MSRA: variants seen among roughly 807,000 people sequenced by gnomAD.
MSRA encodes the protein methionine sulfoxide reductase A, also known as mitochondrial peptide methionine sulfoxide reductase.
Under a neutral mutation model 31.3 loss-of-function variants are expected in MSRA, and 54 were observed. The ratio of observed to expected loss-of-function variants is 1.73; its 90% CI spans 1.39 to 2.17. The LOEUF (loss-of-function observed/expected upper bound fraction) is 2.17, where lower values mean the gene tolerates loss of function less well. Among genes scored for constraint, MSRA ranks in the 30% most tolerant of loss-of-function variants. The probability of loss-of-function intolerance (pLI) is 0.00; values close to 1 mark genes in which losing one functional copy is unlikely to be tolerated. For missense variants in MSRA, 507 were observed against 300.9 expected, an observed-to-expected ratio of 1.69 and a Z score of -5.07; for synonymous variants, 169 against 116.5, an observed-to-expected ratio of 1.45 and a Z score of -2.90.
chr8:10,297,145 C>G (rs10088655), intron 3 of MSRA, among the ~76,000 whole-genome samples: 5,049 of 152,086 alleles, frequency 0.033, 205 homozygotes, highest in African/African-American at 0.098. Flanking sequence ...CTAGATGACC[C>G]CAGAATGCCT....
chr8:10,056,956 A>G (rs561740988), intron 1 of MSRA, among the ~76,000 whole-genome samples: 4 of 152,292 alleles, frequency 2.6e-5, no homozygotes, highest in African/African-American at 9.6e-5. Flanking sequence ...GGTGTGTACC[A>G]TTACCAAATA....
At chr8:10,143,443 G>C (rs1362651417) in intron 1 of MSRA, among the ~76,000 whole-genome samples, 1 of 152,116 alleles carries the variant, frequency 6.6e-6, no homozygotes, top group Non-Finnish European at 1.5e-5. Context: ...ATGGTAACCT[G>C]CTTTAGTGTC....
intron 1 of MSRA, among the ~76,000 whole-genome samples, chr8:10,187,147 G>A (rs1807125071): frequency 6.6e-6 from 1 of 152,184 alleles, no homozygotes; most frequent in Non-Finnish European, 1.5e-5. Flanking sequence ...TTTCCTCAGT[G>A]TGAGAACTTC....
rs532845740 is a variant in MSRA at position 10,393,532 on chromosome 8, G to A, written c.544-34616G>A. Reference sequence around the variant, plus strand: ...TTGCTGGGCACCGTGTAGGCATGGTGTTGTGACTGGTGCCCAGGTATTGCA... The same window carrying A: ...TTGCTGGGCACCGTGTAGGCATGGTATTGTGACTGGTGCCCAGGTATTGCA... On this transcript the variant is annotated intron_variant, in intron 5 of 5. Transcript: ENST00000317173. Among the ~76,000 whole-genome samples the A allele has an allele frequency of 1.1e-4, 16 of 152,334 alleles. No individual in the cohort carries two copies. In the South Asian group the frequency reaches 3.3e-3, roughly 32 times the overall value.
At chr8:10,223,139 C>T (rs974544650) in intron 2 of MSRA, among the ~76,000 whole-genome samples, 4 of 152,168 alleles carry the variant, frequency 2.6e-5, no homozygotes, top group African/African-American at 9.7e-5. Flanking sequence ...AGATACACGT[C>T]CTTCCTAGAG....
chr8:10,211,822 C>T (rs1238670575), intron 2 of MSRA, among the ~76,000 whole-genome samples: 1 of 152,154 alleles, frequency 6.6e-6, no homozygotes, highest in Non-Finnish European at 1.5e-5. Flanking sequence ...ACTCTGTCCA[C>T]GTGGAGGGCC....
chr8:10,258,504 G>C (rs940444109), intron 3 of MSRA, among the ~76,000 whole-genome samples: 1 of 152,108 alleles, frequency 6.6e-6, no homozygotes, highest in Non-Finnish European at 1.5e-5. Flanking sequence ...GCTCTCAATA[G>C]GCTCCTGATC....
At chr8:10,115,320 C>A (rs760972672) in intron 1 of MSRA, among the ~76,000 whole-genome samples, 48 of 152,188 alleles carry the variant, frequency 3.2e-4, no homozygotes, top group Admixed American at 1.3e-4. Flanking sequence ...AGACCAGCCT[C>A]ACAGCGAAGA....
At chr8:10,175,272 G>C (rs1017348426) in intron 1 of MSRA, among the ~76,000 whole-genome samples, 1 of 152,100 alleles carries the variant, frequency 6.6e-6, no homozygotes, top group Non-Finnish European at 1.5e-5. Context: ...CTCTAGAATC[G>C]ATAATCTCTG....
intron 1 of MSRA, among the ~76,000 whole-genome samples, chr8:10,200,756 C>T (rs1209971415): frequency 2.0e-5 from 3 of 152,188 alleles, no homozygotes; most frequent in Non-Finnish European, 2.9e-5. Context: ...CCATATCGCA[C>T]ATTGTAGGAG....
At chr8:10,244,261 C>T (rs181612046) in intron 2 of MSRA, among the ~76,000 whole-genome samples, 188 of 152,246 alleles carry the variant, frequency 1.2e-3, no homozygotes, top group African/African-American at 4.3e-3. Context: ...TTGTACTGGA[C>T]AGTTTAGAAA....
chr8:10,334,536 C>G (rs1156911025), intron 5 of MSRA, among the ~76,000 whole-genome samples: 2 of 152,076 alleles, frequency 1.3e-5, no homozygotes, highest in African/African-American at 2.4e-5. Context: ...TTCAAATTCC[C>G]GTTGATTGTG....
intron 2 of MSRA, among the ~76,000 whole-genome samples, chr8:10,235,662 C>T (rs1811875269): frequency 6.6e-6 from 1 of 152,078 alleles, no homozygotes; most frequent in African/African-American, 2.4e-5. Flanking sequence ...GACAATGAAA[C>T]AAAGCATCCC....
chr8:10,071,028 G>T (rs1399601836), intron 1 of MSRA, among the ~76,000 whole-genome samples: 1 of 152,166 alleles, frequency 6.6e-6, no homozygotes, highest in Non-Finnish European at 1.5e-5. Context: ...GAGTGCAATT[G>T]CTGGGCACTT....
At chr8:10,241,812 C>T (rs182794708) in intron 2 of MSRA, among the ~76,000 whole-genome samples, 1 of 152,312 alleles carries the variant, frequency 6.6e-6, no homozygotes, top group East Asian at 1.9e-4. Flanking sequence ...ATCCAATTGT[C>T]AACTTGCAGA....
At chr8:10,342,234 C>T (rs1377059283) in intron 5 of MSRA, among the ~76,000 whole-genome samples, 2 of 152,134 alleles carry the variant, frequency 1.3e-5, no homozygotes, top group Non-Finnish European at 2.9e-5. Context: ...GACTTTTTGA[C>T]CTCGGGACCT....
chr8:10,194,658 GTACT>G (rs1807821878), intron 1 of MSRA, among the ~76,000 whole-genome samples: 1 of 152,182 alleles, frequency 6.6e-6, no homozygotes, highest in Non-Finnish European at 1.5e-5. Context: ...GCCTTCTAGG[GTACT>G]TACTTGGAAT....
intron 1 of MSRA, among the ~76,000 whole-genome samples, chr8:10,153,159 G>T (rs1347127914): frequency 3.3e-5 from 5 of 152,110 alleles, no homozygotes; most frequent in Non-Finnish European, 7.3e-5. Flanking sequence ...TTAATATGAG[G>T]TGTCTTTCAC....
intron 1 of MSRA, among the ~76,000 whole-genome samples, chr8:10,078,787 C>T (rs1158768273): frequency 6.6e-6 from 1 of 152,238 alleles, no homozygotes; most frequent in Non-Finnish European, 1.5e-5. Flanking sequence ...ACCAGTCTAT[C>T]TCCCTGTTTC....
Sources: allele counts gnomAD v4.1 joint callset (sites outside exome capture counted in the v4.1 genomes callset), GRCh38; gene constraint gnomAD v4.1.1; transcripts MANE v1.5; gene names NCBI Gene and HGNC (gene_info 2026-07-23, HGNC 2026-07-21).